GATA2: variants seen among roughly 807,000 people sequenced by gnomAD.
GATA2 encodes the protein endothelial transcription factor GATA-2.
GATA2 carries 6 observed loss-of-function variants against 35.7 expected under a neutral mutation model. That is an observed-to-expected ratio of 0.17 (90% CI 0.09 to 0.33). The LOEUF (loss-of-function observed/expected upper bound fraction) is 0.33, where lower values mean the gene tolerates loss of function less well. Among genes scored for constraint, GATA2 ranks in the 10% least tolerant of loss-of-function variants. The pLI, the probability that GATA2 is intolerant of heterozygous loss-of-function variation, is 1.00. For missense variants in GATA2, 541 were observed against 656.6 expected (o/e 0.82, Z 1.92); for synonymous variants, 313 against 274.9 (o/e 1.14, Z -1.37).
intron 3 of GATA2, 149 bp from the exon 4 acceptor site, chr3:128,484,154 A>T (rs1407437735): frequency 2.1e-6 from 2 of 932,558 alleles, no homozygotes; most frequent in Non-Finnish European, 3.2e-6. Context: ...CCTGGGCAGG[A>T]AGAGGGACGA....
intron 1 of GATA2, among the ~76,000 whole-genome samples, chr3:128,492,577 G>A (rs1486100527): frequency 6.6e-6 from 1 of 152,214 alleles, no homozygotes; most frequent in Non-Finnish European, 1.5e-5. Flanking sequence ...GGGATTGGGG[G>A]CGGCCGAGAC....
At chr3:128,486,429 G>C (rs574079625) in intron 2 of GATA2, 61 bp from the exon 3 acceptor site, 20 of 1,554,104 alleles carry the variant, frequency 1.3e-5, no homozygotes, top group African/African-American at 4.0e-5. Context: ...CAGAGCTAGG[G>C]ACGCCCCTGA....
At chr3:128,487,395 C>A (rs146482870) in intron 1 of GATA2, among the ~76,000 whole-genome samples, 9 of 152,152 alleles carry the variant, frequency 5.9e-5, no homozygotes, top group Non-Finnish European at 1.0e-4. Context: ...CACACTGAGC[C>A]CCCCCGCCCG....
chr3:128,487,281 C>T (rs909836980), intron 1 of GATA2, among the ~76,000 whole-genome samples: 1 of 152,204 alleles, frequency 6.6e-6, no homozygotes, highest in Non-Finnish European at 1.5e-5. Flanking sequence ...TGGTGACCCG[C>T]GGCTCCAGAA....
chr3:128,480,967 G>A lies in GATA2; in HGVS notation c.*52C>T. On this transcript the variant is annotated 3_prime_UTR_variant, in exon 6 of 6. Coordinates refer to ENST00000341105, the MANE Select transcript of GATA2 (RefSeq NM_032638.5). Reference sequence around the variant, plus strand: ...CTTCGGGAAATGCTGGGCTGCTAAGGGTTTGGTCCACCCATCCCGGGAGTG... The same window carrying A: ...CTTCGGGAAATGCTGGGCTGCTAAGAGTTTGGTCCACCCATCCCGGGAGTG... The A allele has an allele frequency of 6.7e-7, 1 of 1,484,938 alleles. No homozygotes were observed. The highest frequency in any genetic ancestry group is 9.0e-7 in the Non-Finnish European group (1 of 1,113,362). The allele number at this position is 1,484,938 out of a possible 1,614,324, so 92.0% of individuals were successfully genotyped here. A position where few individuals can be genotyped will look rare whatever the true frequency, so the allele number is the denominator to read the frequency against.
chr3:128,482,854 C>T (rs2068648156), intron 4 of GATA2, among the ~76,000 whole-genome samples: 1 of 152,240 alleles, frequency 6.6e-6, no homozygotes, highest in Non-Finnish European at 1.5e-5. Context: ...AGAGGGGGTC[C>T]CCCAACACTT....
At chr3:128,485,134 A>G (rs1472628660) in intron 3 of GATA2, among the ~76,000 whole-genome samples, 2 of 152,026 alleles carry the variant, frequency 1.3e-5, no homozygotes, top group African/African-American at 4.8e-5. Context: ...TCAGGGAGGG[A>G]GAGGGAAGGG....
intron 1 of GATA2, among the ~76,000 whole-genome samples, chr3:128,491,621 C>A (rs961777799): frequency 1.3e-5 from 2 of 152,240 alleles, no homozygotes; most frequent in African/African-American, 4.8e-5. Flanking sequence ...AATTCCAGCC[C>A]CTTAAAGCAG....
intron 1 of GATA2, chr3:128,490,555 T>C (rs1302040800): frequency 6.6e-6 from 1 of 152,240 alleles, no homozygotes; most frequent in Non-Finnish European, 1.5e-5. Flanking sequence ...GACTGCTGCA[T>C]TCTCTGGCGG....
intron 5 of GATA2, 73 bp downstream of exon 5, chr3:128,481,746 G>C: frequency 6.5e-7 from 1 of 1,538,684 alleles, no homozygotes; most frequent in Non-Finnish European, 8.8e-7. Context: ...TGTGGCTGGG[G>C]CCTCTTGCCT....
chr3:128,484,510 C>T (rs2068670393), intron 3 of GATA2, among the ~76,000 whole-genome samples: 1 of 152,172 alleles, frequency 6.6e-6, no homozygotes, highest in Admixed American at 6.5e-5. Flanking sequence ...CTCTTTCTCC[C>T]CAACTTTTCT....
chr3:128,489,052 G>C (rs948036197), intron 1 of GATA2, among the ~76,000 whole-genome samples: 1 of 152,132 alleles, frequency 6.6e-6, no homozygotes, highest in African/African-American at 2.4e-5. Context: ...TGGGTCGGGG[G>C]CAGGAGGAGG....
In GATA2 at chr3:128,481,927, G is replaced by A. The variant is rs371599112; in HGVS notation, c.1035C>T (p.Ala345=). 2.0e-5 allele frequency: 32 copies of A among 1,613,622 alleles called. No individual in the cohort carries two copies. The highest frequency in any genetic ancestry group is 1.1e-4 in the African/African-American group (8 of 74,916). Residue 345 remains alanine, a synonymous_variant, in exon 5 of 6, where the codon GCC becomes GCT. Coordinates refer to ENST00000341105, the MANE Select transcript of GATA2 (RefSeq NM_032638.5). ...TCTGACAATTTGCACAACAGGTGCC[G>A]GCTCTTCTGGCGGCCGACTGGGAGG... The part of the protein sequence containing the change: ...PKRRLSAARR[A]GTCCANCQTT...
chr3:128,486,794 A>C lies in GATA2; in HGVS notation c.229+9T>G. On this transcript the variant is annotated intron_variant, in intron 2 of 5. Coordinates refer to ENST00000341105, the MANE Select transcript of GATA2 (RefSeq NM_032638.5). The stretch of plus-strand genomic sequence containing the variant: ...CCTGGGTTCTCATCACCACGGGCCC[A>C]GTGCTCACCGTGCGCGGGGCTGTAG... 1 of 1,592,706 alleles carries C rather than the reference A, an allele frequency of 6.3e-7. No homozygotes were observed. Among genetic ancestry groups the C allele is most frequent in the South Asian group, 1.1e-5 (1 of 87,456 alleles).
At chr3:128,481,449 CA>C in intron 5 of GATA2, 131 bp from the exon 6 acceptor site, 1 of 1,014,398 alleles carries the variant, frequency 9.9e-7, no homozygotes, top group South Asian at 1.3e-5. Flanking sequence ...GCCCGACCTT[CA>C]TAGTCCCATC....
At chr3:128,482,078 C>T (rs2068638136) in intron 4 of GATA2, 134 bp from the exon 5 acceptor site, 2 of 1,119,402 alleles carry the variant, frequency 1.8e-6, no homozygotes, top group African/African-American at 1.6e-5. Context: ...ATCAAAGCAT[C>T]TCAGAACCAT....
At position 128,483,851 on chromosome 3, in the gene GATA2, C is replaced by G. The variant is rs753634658; in HGVS notation, c.1017+9G>C. ...CAGCCCCCTCCCAGCCACCTGTGCCCGCTCCTACCAGTCTTCGCTTGGGCT... is the reference window on the plus strand; with the variant it reads ...CAGCCCCCTCCCAGCCACCTGTGCCGGCTCCTACCAGTCTTCGCTTGGGCT... On this transcript the variant is annotated intron_variant, in intron 4 of 5. Coordinates refer to ENST00000341105, the MANE Select transcript of GATA2 (RefSeq NM_032638.5). The G allele has an allele frequency of 6.2e-7, 1 of 1,614,180 alleles. No individual in the cohort carries two copies. Among genetic ancestry groups the G allele is most frequent in the Admixed American group, 1.7e-5 (1 of 60,034 alleles).
At chr3:128,489,265 G>A (rs2068744818) in intron 1 of GATA2, 1 of 152,244 alleles carries the variant, frequency 6.6e-6, no homozygotes, top group African/African-American at 2.4e-5. Context: ...CGGCTCCGGG[G>A]GCGCCCGGCT....
In GATA2 at chr3:128,486,243, T is replaced by C; in HGVS notation, c.355A>G (p.Ser119Gly). ...TGCAGTGGCGTCTTGGAGAAGGGGC[T>C]CACGGTCCAGGGGTTGTGGTGGTGG... ...AAHHHNPWTV[S>G]PFSKTPLHPS... The change falls in exon 3 of 6, where the codon AGC becomes GGC. Residue 119 changes from serine to glycine, a missense_variant. Around this residue, in one of 5 missense-constraint regions of GATA2, gnomAD observed 389 missense variants for 396.9 expected, o/e 0.98. Coordinates refer to ENST00000341105, the MANE Select transcript of GATA2 (RefSeq NM_032638.5). 1 of 1,564,518 alleles carries C rather than the reference T, an allele frequency of 6.4e-7. No individual in the cohort carries two copies. The highest frequency in any genetic ancestry group is 8.7e-7 in the Non-Finnish European group (1 of 1,154,660).
Sources: allele counts gnomAD v4.1 joint callset (sites outside exome capture counted in the v4.1 genomes callset), GRCh38; gene constraint gnomAD v4.1.1; regional missense constraint gnomAD v4.1.1; transcripts MANE v1.5; gene names NCBI Gene and HGNC (gene_info 2026-07-23, HGNC 2026-07-21).